NDEL1: variants seen among roughly 807,000 people sequenced by gnomAD.
NDEL1 encodes the protein nuclear distribution protein nudE-like 1.
NDEL1 carries 9 observed loss-of-function variants against 45.7 expected under a neutral mutation model. The ratio of observed to expected loss-of-function variants is 0.20; its 90% CI spans 0.12 to 0.34. NDEL1 has a LOEUF of 0.34. Ranked by LOEUF, NDEL1 falls within the 10% of genes least tolerant of loss-of-function variation. The probability of loss-of-function intolerance (pLI) is 1.00; values close to 1 mark genes in which losing one functional copy is unlikely to be tolerated. For missense variants in NDEL1, 306 were observed against 406.2 expected, an observed-to-expected ratio of 0.75 and a Z score of 2.12; for synonymous variants, 133 against 158.6, an observed-to-expected ratio of 0.84 and a Z score of 1.21.
intron 1 of NDEL1, among the ~76,000 whole-genome samples, chr17:8,437,579 C>T (rs1567726448): frequency 6.6e-6 from 1 of 152,116 alleles, no homozygotes. Context: ...CAAAGAGAGA[C>T]CGTGTTTATG....
At chr17:8,449,640 A>G (rs1910338367) in intron 5 of NDEL1, among the ~76,000 whole-genome samples, 1 of 152,230 alleles carries the variant, frequency 6.6e-6, no homozygotes, top group Non-Finnish European at 1.5e-5. Flanking sequence ...GGGAGATTAT[A>G]CAGTATTTGT....
Position 8,428,322 on chromosome 17 carries a change from T to TGGTG in NDEL1, c.-13+15054_-13+15057dup, listed in dbSNP as rs1158282322. On this transcript the variant is annotated intron_variant, in intron 1 of 4. Coordinates refer to the NDEL1 transcript ENST00000582812. ...TCTCGCCTCAAGGCTCAAGTGTGTG[T>TGGTG]GGTGTGTGTGTGTGTGTGTGTGTGT... 2.5e-4 allele frequency among the ~76,000 whole-genome samples: 12 copies of TGGTG among 48,580 alleles called. 1 individual carries two copies. The highest frequency in any genetic ancestry group is 8.1e-4 in the Admixed American group (3 of 3,692). The allele number at this position is 48,580 out of a possible 152,430, so 31.9% of individuals were successfully genotyped here.
chr17:8,441,308 C>G (rs981808480), intron 1 of NDEL1, among the ~76,000 whole-genome samples: 24 of 152,056 alleles, frequency 1.6e-4, no homozygotes, highest in African/African-American at 4.8e-4. Flanking sequence ...AAGACCAAGG[C>G]TGAGAGGTAT....
chr17:8,449,377 G>A (rs1041207274), intron 5 of NDEL1, among the ~76,000 whole-genome samples: 2 of 152,122 alleles, frequency 1.3e-5, no homozygotes, highest in African/African-American at 4.8e-5. Flanking sequence ...GGTCCTTCTG[G>A]TTCTGTCTCC....
At chr17:8,458,845 GCCT>G (rs1911017620) in intron 7 of NDEL1, among the ~76,000 whole-genome samples, 1 of 152,124 alleles carries the variant, frequency 6.6e-6, no homozygotes, top group Non-Finnish European at 1.5e-5. Flanking sequence ...TTGTGCCTTA[GCCT>G]CCTGCGTAGC....
At chr17:8,433,099 C>CAA (rs552822111), upstream of NDEL1, among the ~76,000 whole-genome samples, 1 of 135,906 alleles carries the variant, frequency 7.4e-6, no homozygotes, top group African/African-American at 2.7e-5. Context: ...TACAATTCTT[C>CAA]AAAAAAAAAA....
At chr17:8,472,768 A>G (rs146853114), downstream of NDEL1, among the ~76,000 whole-genome samples, 6 of 152,354 alleles carry the variant, frequency 3.9e-5, no homozygotes, top group East Asian at 1.2e-3. Flanking sequence ...ACTGGCATCT[A>G]TGATGTGGCA....
intron 1 of NDEL1, among the ~76,000 whole-genome samples, chr17:8,413,701 T>TGG (rs1908478340): frequency 1.3e-5 from 2 of 152,216 alleles, no homozygotes; most frequent in Non-Finnish European, 1.5e-5. Context: ...CCTGGGACCT[T>TGG]GACTTCACTG....
At chr17:8,413,160 AC>A (rs34114592) in exon 1 of NDEL1, 63,180 of 152,138 alleles carry the variant, frequency 0.42, 13,602 homozygotes, top group African/African-American at 0.53. Context: ...CTTTGGTCGG[AC>A]GGTGATTCTC....
At chr17:8,458,626 CA>C (rs1911002788) in intron 7 of NDEL1, among the ~76,000 whole-genome samples, 1 of 152,038 alleles carries the variant, frequency 6.6e-6, no homozygotes. Context: ...GTTTGTTTTA[CA>C]AGGTCATTAC....
intron 1 of NDEL1, among the ~76,000 whole-genome samples, chr17:8,419,877 C>T (rs116934000): frequency 0.019 from 2,843 of 152,008 alleles, 37 homozygotes; most frequent in Non-Finnish European, 0.03. Context: ...GTGAAACTGA[C>T]GAGGGCCAGA....
At chr17:8,415,148 C>T (rs1159580224) in intron 1 of NDEL1, among the ~76,000 whole-genome samples, 1 of 140,564 alleles carries the variant, frequency 7.1e-6, no homozygotes, top group Non-Finnish European at 1.5e-5. Flanking sequence ...CTCTTTCTGT[C>T]TCTCTGTCTC....
At chr17:8,434,725 G>A (rs1026217289), upstream of NDEL1, among the ~76,000 whole-genome samples, 3 of 151,964 alleles carry the variant, frequency 2.0e-5, no homozygotes, top group South Asian at 2.1e-4. Context: ...ACACACGCGC[G>A]CACACACACA....
chr17:8,441,635 G>C (rs959055242), intron 1 of NDEL1, among the ~76,000 whole-genome samples: 1 of 152,024 alleles, frequency 6.6e-6, no homozygotes, highest in Non-Finnish European at 1.5e-5. Flanking sequence ...AGTGACAGTA[G>C]AGTAACATGT....
chr17:8,428,132 G>T (rs1352332892), intron 1 of NDEL1, among the ~76,000 whole-genome samples: 12 of 152,050 alleles, frequency 7.9e-5, no homozygotes, highest in Non-Finnish European at 1.5e-5. Context: ...CTTGCTTGTT[G>T]TCTATTTTCC....
At chr17:8,456,952 T>C (rs1370800716) in intron 7 of NDEL1, among the ~76,000 whole-genome samples, 2 of 152,242 alleles carry the variant, frequency 1.3e-5, no homozygotes, top group Non-Finnish European at 2.9e-5. Flanking sequence ...TTTGTAACAA[T>C]GCACATATAT....
At chr17:8,472,747 C>A (rs896997758), downstream of NDEL1, among the ~76,000 whole-genome samples, 1 of 130,552 alleles carries the variant, frequency 7.7e-6, no homozygotes, top group Non-Finnish European at 1.7e-5. Flanking sequence ...TAAATAAAAA[C>A]AACAACAAAA....
In NDEL1 at chr17:8,446,862, G is replaced by A; in HGVS notation, c.349G>A (p.Glu117Lys). ...IKEQLHKYVR[E>K]LEQANDDLER... ...GGAGCAGTTGCATAAGTATGTGAGA[G>A]AGCTGGAGCAGGCCAACGACGACCT... The change falls in exon 4 of 9, where the codon GAG (glutamate) becomes AAG (lysine). Residue 117 changes from glutamate (E) to lysine (K), a missense_variant. Glu to Lys is a moderately conservative substitution (Grantham distance 56). Around this residue, in one of 3 missense-constraint regions of NDEL1, gnomAD observed 112 missense variants for 148.3 expected, o/e 0.76. Transcript: ENST00000334527. 1.2e-6 allele frequency: 2 copies of A among 1,614,166 alleles called. No homozygotes were observed. Among genetic ancestry groups the A allele is most frequent in the South Asian group, 2.2e-5 (2 of 91,076 alleles).
chr17:8,434,725 G>GCA (rs551754738), upstream of NDEL1, among the ~76,000 whole-genome samples: 97 of 151,964 alleles, frequency 6.4e-4, no homozygotes, highest in African/African-American at 2.1e-3. Context: ...ACACACGCGC[G>GCA]CACACACACA....
Sources: allele counts gnomAD v4.1 joint callset (sites outside exome capture counted in the v4.1 genomes callset), GRCh38; gene constraint gnomAD v4.1.1; regional missense constraint gnomAD v4.1.1; transcripts MANE v1.5; gene names NCBI Gene and HGNC (gene_info 2026-07-23, HGNC 2026-07-21).